UST: variants seen among roughly 807,000 people sequenced by gnomAD.
UST encodes chondroitin sulfate 2-O-sulfotransferase.
A neutral mutation model predicts 45.6 loss-of-function variants in UST; 21 were observed. The ratio of observed to expected loss-of-function variants is 0.46; its 90% CI spans 0.33 to 0.66. The LOEUF is 0.66. Ranked by LOEUF, UST falls within the 30% of genes least tolerant of loss-of-function variation. The probability of loss-of-function intolerance (pLI) is 0.02; values close to 1 mark genes in which losing one functional copy is unlikely to be tolerated. For synonymous variants in UST, 215 were observed against 200.6 expected (o/e 1.07, Z -0.61); for missense variants, 463 against 512.4 (o/e 0.90, Z 0.93).
intron 4 of UST, among the ~76,000 whole-genome samples, chr6:148,962,402 TA>T: frequency 6.6e-6 from 1 of 152,352 alleles, no homozygotes; most frequent in Non-Finnish European, 1.5e-5. Context: ...CACATGAACA[TA>T]AAAGAACAGT....
At chr6:148,911,250 A>G (rs1464376879) in intron 2 of UST, among the ~76,000 whole-genome samples, 3 of 152,180 alleles carry the variant, frequency 2.0e-5, no homozygotes, top group Admixed American at 6.5e-5. Flanking sequence ...TCTAATGAGA[A>G]GCTGGACCTC....
In UST at chr6:149,005,745, A is replaced by G. The variant is rs942389160; in HGVS notation, c.682-13394A>G. On this transcript the variant is annotated intron_variant, in intron 5 of 7. Transcript: ENST00000367463. ...TTCTTCTGTGTGCATTAATTTATGAACTCATTTCCACCAGACACCTAGCTG... is the reference window on the plus strand; with the variant it reads ...TTCTTCTGTGTGCATTAATTTATGAGCTCATTTCCACCAGACACCTAGCTG... The G allele has an allele frequency of 2.3e-5, 13 of 554,268 alleles. No individual in the cohort carries two copies. The African/African-American group carries it at 2.7e-4, about 11-fold the overall frequency. The allele number at this position is 554,268 out of a possible 1,614,324, so 34.3% of individuals were successfully genotyped here. A position where few individuals can be genotyped will look rare whatever the true frequency, so the allele number is the denominator to read the frequency against.
rs1227504158 is a variant in UST at position 149,018,441 on chromosome 6, A to G, written c.682-698A>G. Among the ~76,000 whole-genome samples the G allele has an allele frequency of 2.0e-5, 3 of 152,128 alleles. No individual in the cohort carries two copies. The East Asian group carries it at 5.8e-4, about 29-fold the overall frequency. On this transcript the variant is annotated intron_variant, in intron 5 of 7. Transcript: ENST00000367463. Reference sequence around the variant, plus strand: ...GAGAATGAGGCATGTCTTATTTAGAATCTCTAATATGATCTACCTTGATAA... The same window carrying G: ...GAGAATGAGGCATGTCTTATTTAGAGTCTCTAATATGATCTACCTTGATAA...
At chr6:149,049,929 T>TCACA (rs1219672960) in intron 7 of UST, among the ~76,000 whole-genome samples, 1,540 of 129,714 alleles carry the variant, frequency 0.012, 27 homozygotes, top group South Asian at 0.074. Context: ...TCTCTCTCTC[T>TCACA]CTCACACACA....
chr6:148,848,259 A>G (rs1778034815), intron 1 of UST, among the ~76,000 whole-genome samples: 2 of 152,180 alleles, frequency 1.3e-5, no homozygotes, highest in Admixed American at 6.5e-5. Context: ...AAGACAGCAG[A>G]GTCTTGTTCT....
intron 1 of UST, among the ~76,000 whole-genome samples, chr6:148,886,727 G>C (rs560620866): frequency 2.0e-5 from 3 of 152,142 alleles, no homozygotes; most frequent in African/African-American, 4.8e-5. Context: ...ATAATGGTGC[G>C]TGTTACTGTG....
intron 3 of UST, among the ~76,000 whole-genome samples, chr6:148,949,767 A>T (rs527347628): frequency 7.2e-5 from 11 of 152,222 alleles, no homozygotes; most frequent in African/African-American, 2.6e-4. Flanking sequence ...TTTCTAGGGG[A>T]TAAAGCCTGC....
At chr6:148,793,968 C>T (rs1174456815) in intron 1 of UST, among the ~76,000 whole-genome samples, 2 of 152,050 alleles carry the variant, frequency 1.3e-5, no homozygotes, top group Non-Finnish European at 2.9e-5. Flanking sequence ...AACATCAGCG[C>T]ATATTTCTGT....
intron 7 of UST, among the ~76,000 whole-genome samples, chr6:149,040,742 A>T (rs924840706): frequency 6.6e-6 from 1 of 152,204 alleles, no homozygotes; most frequent in Non-Finnish European, 1.5e-5. Flanking sequence ...ATTCTCCAGC[A>T]TGTGGTCCCC....
intron 1 of UST, among the ~76,000 whole-genome samples, chr6:148,873,028 C>T (rs1778588111): frequency 6.6e-6 from 1 of 152,178 alleles, no homozygotes; most frequent in African/African-American, 2.4e-5. Context: ...CATTGTTCAG[C>T]TTATCGCAAC....
chr6:148,819,004 G>GA (rs751109294), intron 1 of UST, among the ~76,000 whole-genome samples: 10 of 152,008 alleles, frequency 6.6e-5, no homozygotes, highest in Non-Finnish European at 1.3e-4. Flanking sequence ...ACTCTTTGGG[G>GA]AAAAAAATGA....
intron 1 of UST, among the ~76,000 whole-genome samples, chr6:148,835,568 G>T (rs1777771825): frequency 6.6e-6 from 1 of 152,096 alleles, no homozygotes; most frequent in Non-Finnish European, 1.5e-5. Flanking sequence ...AAGTGGTTTT[G>T]TCTCGAAGAG....
chr6:148,755,849 G>A (rs1316426980), intron 1 of UST, among the ~76,000 whole-genome samples: 2 of 152,028 alleles, frequency 1.3e-5, no homozygotes, highest in East Asian at 1.9e-4. Context: ...TCATCCAGGT[G>A]AAAAATGGTA....
At chr6:148,871,140 C>CTCTCTCTCT (rs1440108271) in intron 1 of UST, among the ~76,000 whole-genome samples, 1 of 150,066 alleles carries the variant, frequency 6.7e-6, no homozygotes, top group African/African-American at 2.5e-5. Context: ...CTCTCTCTCT[C>CTCTCTCTCT]TCTCTCCCTC....
intron 1 of UST, among the ~76,000 whole-genome samples, chr6:148,820,248 A>G (rs1777430649): frequency 6.6e-6 from 1 of 152,216 alleles, no homozygotes; most frequent in Admixed American, 6.5e-5. Context: ...AAAAATTCCC[A>G]TATGCCCTCA....
chr6:148,967,756 C>T (rs916725486), intron 5 of UST, among the ~76,000 whole-genome samples: 1 of 152,212 alleles, frequency 6.6e-6, no homozygotes, highest in African/African-American at 2.4e-5. Context: ...TGATTTACCA[C>T]GTCATTCCAG....
chr6:148,957,454 T>C (rs534449145), intron 4 of UST, among the ~76,000 whole-genome samples: 1 of 152,292 alleles, frequency 6.6e-6, no homozygotes, highest in South Asian at 2.1e-4. Context: ...TGACATTACT[T>C]TTTTTTGAGA....
At chr6:148,798,851 GATTTATTT>G (rs67953897) in intron 1 of UST, among the ~76,000 whole-genome samples, 35,488 of 149,576 alleles carry the variant, frequency 0.24, 4,636 homozygotes, top group East Asian at 0.6. Flanking sequence ...GAGGAGATAG[GATTTATTT>G]ATTTATTTAT....
At chr6:149,064,131 T>C (rs2115043277) in intron 7 of UST, among the ~76,000 whole-genome samples, 1 of 152,324 alleles carries the variant, frequency 6.6e-6, no homozygotes. Context: ...AGAAGAAATG[T>C]TGACTCCAGC....
Sources: gnomAD v4.1 joint callset for allele counts (sites outside exome capture counted in the v4.1 genomes callset) on GRCh38, gnomAD v4.1.1 for gene constraint, MANE v1.5 for transcripts, NCBI Gene and HGNC (gene_info 2026-07-23, HGNC 2026-07-21) for gene names.